The following AGBL4 variants were observed in gnomAD, a reference collection of about 807,000 sequenced individuals.
AGBL4 encodes the protein AGBL carboxypeptidase 4, also known as cytosolic carboxypeptidase 6.
AGBL4 carries 58 observed loss-of-function variants against 66.4 expected under a neutral mutation model. The ratio of observed to expected loss-of-function variants is 0.87; its 90% CI spans 0.71 to 1.09. AGBL4 has a LOEUF of 1.09. AGBL4 is among the 50% of genes least tolerant of loss of function. The pLI is 0.00. For synonymous variants in AGBL4, 234 were observed against 222.9 expected (o/e 1.05, Z -0.44); for missense variants, 579 against 631.0 (o/e 0.92, Z 0.88).
chr1:48,764,549 A>T (rs912195536), intron 6 of AGBL4, among the ~76,000 whole-genome samples: 3 of 152,112 alleles, frequency 2.0e-5, no homozygotes, highest in Admixed American at 1.3e-4. Context: ...CAGGAGGGAG[A>T]GGTGAGAAGG....
At chr1:49,664,362 A>G (rs949009999) in intron 3 of AGBL4, among the ~76,000 whole-genome samples, 3 of 152,048 alleles carry the variant, frequency 2.0e-5, no homozygotes, top group Non-Finnish European at 4.4e-5. Context: ...AAATATAGCA[A>G]TTACAGCATA....
At chr1:49,949,672 C>A (rs1366116680) in intron 1 of AGBL4, among the ~76,000 whole-genome samples, 1 of 151,544 alleles carries the variant, frequency 6.6e-6, no homozygotes, top group Non-Finnish European at 1.5e-5. Context: ...CTTACTCCTG[C>A]ATGAATGGCC....
chr1:48,924,866 C>T (rs1329571105), intron 5 of AGBL4, among the ~76,000 whole-genome samples: 1 of 151,932 alleles, frequency 6.6e-6, no homozygotes, highest in Admixed American at 6.6e-5. Context: ...GAAATGGAAC[C>T]TATACAACAA....
chr1:49,073,942 GC>G (rs1644660482), intron 4 of AGBL4, among the ~76,000 whole-genome samples: 1 of 152,170 alleles, frequency 6.6e-6, no homozygotes, highest in Admixed American at 6.5e-5. Flanking sequence ...GTTCAGAGAT[GC>G]CCAGCCCACG....
intron 3 of AGBL4, among the ~76,000 whole-genome samples, chr1:49,512,476 GC>G: frequency 6.6e-6 from 1 of 152,002 alleles, no homozygotes; most frequent in South Asian, 2.1e-4. Context: ...ATCCTTCATG[GC>G]TTGGTGCTCT....
At chr1:49,072,097 T>C (rs1242299182) in intron 4 of AGBL4, among the ~76,000 whole-genome samples, 3 of 152,196 alleles carry the variant, frequency 2.0e-5, no homozygotes, top group Admixed American at 2.0e-4. Flanking sequence ...ATTTGCCTGG[T>C]AGGTCTTCCT....
At chr1:49,511,942 C>A (rs2148785039) in intron 3 of AGBL4, among the ~76,000 whole-genome samples, 1 of 152,034 alleles carries the variant, frequency 6.6e-6, no homozygotes, top group Middle Eastern at 3.4e-3. Flanking sequence ...ATTCTGAGTC[C>A]TCAACAGTAA....
intron 1 of AGBL4, among the ~76,000 whole-genome samples, chr1:49,954,961 T>A (rs184871394): frequency 6.6e-6 from 1 of 151,926 alleles, no homozygotes; most frequent in African/African-American, 2.4e-5. Flanking sequence ...TATTTTGGGC[T>A]TTCTGTTACA....
intron 9 of AGBL4, among the ~76,000 whole-genome samples, chr1:48,609,061 C>A (rs1645196869): frequency 6.6e-6 from 1 of 152,028 alleles, no homozygotes; most frequent in Non-Finnish European, 1.5e-5. Flanking sequence ...GATAAATAGG[C>A]CAGATAGAGG....
intron 3 of AGBL4, among the ~76,000 whole-genome samples, chr1:49,571,824 ATAG>A (rs757000127): frequency 4.0e-4 from 61 of 152,234 alleles, no homozygotes; most frequent in Admixed American, 1.4e-3. Flanking sequence ...TATTGAGATG[ATAG>A]TAGAGTTTTT....
At chr1:49,399,900 A>T (rs577425587) in intron 3 of AGBL4, among the ~76,000 whole-genome samples, 2 of 151,848 alleles carry the variant, frequency 1.3e-5, no homozygotes, top group Admixed American at 6.6e-5. Flanking sequence ...GCCTGTGGGG[A>T]ATTACTCAAG....
chr1:49,071,161 CCTAT>C (rs1044151884), intron 4 of AGBL4, among the ~76,000 whole-genome samples: 18 of 151,550 alleles, frequency 1.2e-4, no homozygotes, highest in South Asian at 4.2e-4. Flanking sequence ...TGGCTTGTGG[CCTAT>C]CTATTTTGTT....
chr1:49,851,285 G>T (rs1646296726), intron 2 of AGBL4, 111 bp downstream of exon 2: 2 of 1,196,408 alleles, frequency 1.7e-6, no homozygotes, highest in South Asian at 3.1e-5. Flanking sequence ...TCCCATTATT[G>T]TGAAATATTA....
chr1:49,892,665 A>T (rs1174867570), intron 1 of AGBL4, among the ~76,000 whole-genome samples: 2 of 152,078 alleles, frequency 1.3e-5, no homozygotes, highest in African/African-American at 4.8e-5. Flanking sequence ...TTAATGGTAC[A>T]CTCTGCTTCA....
intron 4 of AGBL4, among the ~76,000 whole-genome samples, chr1:49,241,263 A>G (rs1435229087): frequency 1.3e-5 from 2 of 152,048 alleles, no homozygotes; most frequent in Admixed American, 1.3e-4. Context: ...TGTCATTAGA[A>G]TCAAGTCCTA....
At chr1:49,711,645 A>T (rs557344459) in intron 2 of AGBL4, among the ~76,000 whole-genome samples, 5 of 152,204 alleles carry the variant, frequency 3.3e-5, no homozygotes, top group African/African-American at 1.2e-4. Context: ...GATTGTGGCG[A>T]CAGTTTCCTA....
chr1:49,303,367 A>T (rs1416609467), intron 3 of AGBL4, among the ~76,000 whole-genome samples: 1 of 152,118 alleles, frequency 6.6e-6, no homozygotes, highest in Non-Finnish European at 1.5e-5. Flanking sequence ...TGTGAGATGG[A>T]ATCTCACTGT....
At chr1:49,145,344 G>A (rs760478473) in intron 4 of AGBL4, among the ~76,000 whole-genome samples, 1 of 152,026 alleles carries the variant, frequency 6.6e-6, no homozygotes, top group Non-Finnish European at 1.5e-5. Flanking sequence ...TTATTAGTTT[G>A]TTGAACTTGA....
At chr1:49,431,960 C>A (rs1430952843) in intron 3 of AGBL4, among the ~76,000 whole-genome samples, 3 of 152,082 alleles carry the variant, frequency 2.0e-5, no homozygotes, top group Non-Finnish European at 4.4e-5. Flanking sequence ...TGTACAAAGT[C>A]TGGGATGTAA....
Sources: gnomAD v4.1 joint callset for allele counts (sites outside exome capture counted in the v4.1 genomes callset) on GRCh38, gnomAD v4.1.1 for gene constraint, MANE v1.5 for transcripts, NCBI Gene and HGNC (gene_info 2026-07-23, HGNC 2026-07-21) for gene names.